The following DDHD1 variants were observed in gnomAD, a reference collection of about 807,000 sequenced individuals.
DDHD1 encodes DDHD domain containing 1, also known as phospholipase DDHD1.
In DDHD1, 49 loss-of-function variants were observed where a neutral mutation model predicts 96.4. That is an observed-to-expected ratio of 0.51 (90% CI 0.40 to 0.64). The LOEUF (loss-of-function observed/expected upper bound fraction) is 0.64, where lower values mean the gene tolerates loss of function less well. DDHD1 is among the 30% of genes least tolerant of loss of function. The probability of loss-of-function intolerance (pLI) is 0.00; values close to 1 mark genes in which losing one functional copy is unlikely to be tolerated. For missense variants in DDHD1, 1,106 were observed against 1,161.2 expected, an observed-to-expected ratio of 0.95 and a Z score of 0.69; for synonymous variants, 442 against 446.5, an observed-to-expected ratio of 0.99 and a Z score of 0.13.
intron 2 of DDHD1, chr14:53,103,095 T>C: frequency 6.5e-7 from 1 of 1,546,260 alleles, no homozygotes; most frequent in Non-Finnish European, 8.7e-7. Context: ...CTTTACCACA[T>C]ATTTTGAAGT....
Position 53,080,717 on chromosome 14 carries a change from C to CTT in DDHD1, c.1290-6872_1290-6871dup, listed in dbSNP as rs1555334173. Among the ~76,000 whole-genome samples the CTT allele has an allele frequency of 2.7e-4, 24 of 89,494 alleles. 1 individual carries two copies. Among genetic ancestry groups the CTT allele is most frequent in the Admixed American group, 2.3e-3 (19 of 8,250 alleles). The allele number at this position is 89,494 out of a possible 152,430, so 58.7% of individuals were successfully genotyped here. A position where few individuals can be genotyped will look rare whatever the true frequency, so the allele number is the denominator to read the frequency against. On this transcript the variant is annotated intron_variant, in intron 4 of 12. Coordinates refer to ENST00000673822, the MANE Select transcript of DDHD1 (RefSeq NM_001160148.2). ...ATAATTTCATTTCTTTTCCTTCCCCCTTTTTTTTTTTTTTTTTTTTGGAGA... is the reference window on the plus strand; with the variant it reads ...ATAATTTCATTTCTTTTCCTTCCCCCTTTTTTTTTTTTTTTTTTTTTTGGAGA...
Position 53,046,967 on chromosome 14 carries a change from T to A in DDHD1, c.2522-18A>T. ...CAACTCCACTAAAAAGAAAAGAAGT[T>A]AAACAAATGAATACAGATTATAATA... is the stretch of plus-strand genomic sequence containing the variant. On this transcript the variant is annotated intron_variant, in intron 12 of 12. Transcript: ENST00000673822. 1 of 1,585,222 alleles carries A rather than the reference T, an allele frequency of 6.3e-7. No individual in the cohort carries two copies. The highest frequency in any genetic ancestry group is 8.6e-7 in the Non-Finnish European group (1 of 1,166,078).
intron 4 of DDHD1, among the ~76,000 whole-genome samples, chr14:53,079,708 GTAA>G (rs1327244627): frequency 6.6e-6 from 1 of 152,102 alleles, no homozygotes; most frequent in Non-Finnish European, 1.5e-5. Context: ...AAGAACCAGA[GTAA>G]TACATACAGA....
chr14:53,086,014 C>T (rs960822292), intron 4 of DDHD1, among the ~76,000 whole-genome samples: 2 of 152,072 alleles, frequency 1.3e-5, no homozygotes, highest in Admixed American at 6.5e-5. Flanking sequence ...GCACAAGCTT[C>T]GGTAGCTGAT....
chr14:53,049,657 C>CAAAAA (rs11323291), intron 12 of DDHD1, among the ~76,000 whole-genome samples: 11 of 84,708 alleles, frequency 1.3e-4, no homozygotes, highest in East Asian at 3.5e-4. Flanking sequence ...TGAGCTAGGT[C>CAAAAA]AAAAAAAAAA....
intron 1 of DDHD1, among the ~76,000 whole-genome samples, chr14:53,132,466 A>T (rs1396055737): frequency 2.0e-5 from 3 of 152,172 alleles, no homozygotes; most frequent in Non-Finnish European, 4.4e-5. Flanking sequence ...TCACTGGCAA[A>T]GGCAGGCTAT....
chr14:53,089,816 A>G (rs1021261386), intron 4 of DDHD1, among the ~76,000 whole-genome samples: 28 of 152,332 alleles, frequency 1.8e-4, no homozygotes, highest in Middle Eastern at 3.4e-3. Context: ...TAAAACACCA[A>G]AGACTTCATG....
At chr14:53,087,833 G>A (rs141525532) in intron 4 of DDHD1, among the ~76,000 whole-genome samples, 267 of 152,252 alleles carry the variant, frequency 1.8e-3, no homozygotes, top group African/African-American at 6.2e-3. Context: ...GAAGGAAATA[G>A]CGACACAAAA....
chr14:53,138,623 C>T (rs1347459719), intron 1 of DDHD1, among the ~76,000 whole-genome samples: 2 of 152,110 alleles, frequency 1.3e-5, no homozygotes, highest in African/African-American at 2.4e-5. Context: ...GCTGAGGTCA[C>T]AGTGCAACTA....
intron 4 of DDHD1, among the ~76,000 whole-genome samples, chr14:53,084,734 T>G (rs1415405425): frequency 6.6e-6 from 1 of 152,192 alleles, no homozygotes; most frequent in Non-Finnish European, 1.5e-5. Flanking sequence ...GATTTCTGCA[T>G]CTCCAACTGA....
chr14:53,145,415 A>AT (rs1890908037), intron 1 of DDHD1, among the ~76,000 whole-genome samples: 2 of 142,292 alleles, frequency 1.4e-5, no homozygotes, highest in East Asian at 2.3e-4. Context: ...AGGTGGGAGG[A>AT]TTGCCTGAGC....
At chr14:53,047,318 T>C (rs1882101195) in intron 12 of DDHD1, among the ~76,000 whole-genome samples, 1 of 152,186 alleles carries the variant, frequency 6.6e-6, no homozygotes, top group South Asian at 2.1e-4. Context: ...CTCTTGAAGA[T>C]TTACGGGCCA....
chr14:53,149,346 T>A (rs1209403075), intron 1 of DDHD1, among the ~76,000 whole-genome samples: 1 of 152,230 alleles, frequency 6.6e-6, no homozygotes, highest in Non-Finnish European at 1.5e-5. Flanking sequence ...ACATTTTTTT[T>A]CAAACACTTT....
chr14:53,115,170 T>G (rs1007516587), intron 1 of DDHD1, among the ~76,000 whole-genome samples: 1 of 151,534 alleles, frequency 6.6e-6, no homozygotes, highest in African/African-American at 2.4e-5. Flanking sequence ...AAGAAAAGAT[T>G]AGAGAAAAAA....
chr14:53,074,421 T>C (rs1478149961), intron 4 of DDHD1, among the ~76,000 whole-genome samples: 2 of 151,758 alleles, frequency 1.3e-5, no homozygotes, highest in African/African-American at 2.4e-5. Flanking sequence ...CCCTCCCCCA[T>C]ATTTAAAAGC....
intron 4 of DDHD1, among the ~76,000 whole-genome samples, chr14:53,074,862 C>T (rs150887878): frequency 3.3e-4 from 51 of 152,264 alleles, no homozygotes; most frequent in African/African-American, 1.2e-3. Context: ...ATTTTTCCAA[C>T]AGCATGTGCT....
chr14:53,129,924 G>A (rs186148366), intron 1 of DDHD1, among the ~76,000 whole-genome samples: 3 of 152,166 alleles, frequency 2.0e-5, no homozygotes, highest in South Asian at 4.1e-4. Context: ...TGAGGTGCCC[G>A]ACGTCCAGGC....
chr14:53,131,728 T>G (rs189272136), intron 1 of DDHD1, among the ~76,000 whole-genome samples: 28 of 152,282 alleles, frequency 1.8e-4, no homozygotes, highest in African/African-American at 6.7e-4. Flanking sequence ...ATCCATCTGC[T>G]TCTCAACTTA....
chr14:53,091,681 G>A (rs1232974076), intron 4 of DDHD1, 104 bp downstream of exon 4: 2 of 1,256,148 alleles, frequency 1.6e-6, no homozygotes, highest in Admixed American at 2.2e-5. Flanking sequence ...AGTTGGCACT[G>A]GAGGAACATG....
Sources: allele counts gnomAD v4.1 joint callset (sites outside exome capture counted in the v4.1 genomes callset), GRCh38; gene constraint gnomAD v4.1.1; transcripts MANE v1.5; gene names NCBI Gene and HGNC (gene_info 2026-07-23, HGNC 2026-07-21).